Variants in NPAS3 observed in about 807,000 individuals in gnomAD.
NPAS3 encodes neuronal PAS domain-containing protein 3.
In NPAS3, 14 loss-of-function variants were observed where a neutral mutation model predicts 73.1. The ratio of observed to expected loss-of-function variants is 0.19; its 90% CI spans 0.13 to 0.30. NPAS3 has a LOEUF of 0.30. Among genes scored for constraint, NPAS3 ranks in the 10% least tolerant of loss-of-function variants. NPAS3 has a pLI of 1.00. For missense variants in NPAS3, 1,096 were observed against 1,250.0 expected, an observed-to-expected ratio of 0.88 and a Z score of 1.86; for synonymous variants, 620 against 541.5, an observed-to-expected ratio of 1.14 and a Z score of -2.01.
chr14:33,797,987 A>G (rs2063563792), intron 11 of NPAS3, among the ~76,000 whole-genome samples: 2 of 151,952 alleles, frequency 1.3e-5, no homozygotes, highest in South Asian at 2.1e-4. Flanking sequence ...CAATCACTTA[A>G]TGTCAATCCA....
intron 6 of NPAS3, among the ~76,000 whole-genome samples, chr14:33,717,086 T>C (rs1453055055): frequency 1.3e-5 from 2 of 152,010 alleles, no homozygotes; most frequent in Admixed American, 6.6e-5. Flanking sequence ...AGAGAGGGAA[T>C]GGGAGTTGAT....
At chr14:33,163,591 A>G (rs1317851246) in intron 2 of NPAS3, among the ~76,000 whole-genome samples, 1 of 149,342 alleles carries the variant, frequency 6.7e-6, no homozygotes, top group Admixed American at 6.7e-5. Context: ...GTAACATCAC[A>G]CTTAAGAATA....
In NPAS3 at chr14:33,137,309, A is replaced by G. The variant is rs112690592; in HGVS notation, c.141-77873A>G. 8.6e-3 allele frequency among the ~76,000 whole-genome samples: 1,305 copies of G among 152,270 alleles called. 20 individuals carry two copies. Among genetic ancestry groups the G allele is most frequent in the African/African-American group, 0.03 (1,234 of 41,568 alleles). ...AGGCATCTGAGATATTTAAGACTTA[A>G]ATGTGACTTTGATGTAGCCTCTGGC... is the stretch of plus-strand genomic sequence containing the variant. On this transcript the variant is annotated intron_variant, in intron 2 of 11. Coordinates refer to ENST00000356141, the Ensembl canonical transcript of NPAS3.
At chr14:33,518,592 A>AATTT (rs2053413554) in intron 4 of NPAS3, among the ~76,000 whole-genome samples, 1 of 128,828 alleles carries the variant, frequency 7.8e-6, no homozygotes, top group Non-Finnish European at 1.6e-5. Flanking sequence ...GACATCAAGG[A>AATTT]TTTTTTTTTT....
At position 33,668,403 on chromosome 14, in the gene NPAS3, A is replaced by C. The variant is rs188519756; in HGVS notation, c.559-7808A>C. Among the ~76,000 whole-genome samples the C allele has an allele frequency of 2.2e-4, 34 of 152,374 alleles. 1 individual carries two copies. In the East Asian group the frequency reaches 6.4e-3, roughly 28 times the overall value. Reference sequence around the variant, plus strand: ...TAAGCATATCTAAGGTTTTAGTCATATAAACCACATTATTTTACTGTGACC... The same window carrying C: ...TAAGCATATCTAAGGTTTTAGTCATCTAAACCACATTATTTTACTGTGACC... On this transcript the variant is annotated intron_variant, in intron 5 of 11. Coordinates refer to ENST00000356141, the Ensembl canonical transcript of NPAS3.
At chr14:33,411,155 A>G (rs1336382216) in intron 4 of NPAS3, among the ~76,000 whole-genome samples, 4 of 152,038 alleles carry the variant, frequency 2.6e-5, no homozygotes, top group Non-Finnish European at 5.9e-5. Context: ...CCTCCAGGAG[A>G]CATTTGGCAA....
chr14:33,151,796 GGAAA>G (rs1480626235), intron 2 of NPAS3, among the ~76,000 whole-genome samples: 3 of 151,928 alleles, frequency 2.0e-5, no homozygotes. Flanking sequence ...ACATTGTTCT[GGAAA>G]GAGACTATAT....
chr14:33,028,603 A>G (rs1183473237), intron 1 of NPAS3, among the ~76,000 whole-genome samples: 1 of 152,188 alleles, frequency 6.6e-6, no homozygotes. Context: ...TCCCATCTGA[A>G]CCTAGTATCT....
At chr14:33,202,696 A>AATATTCAT (rs2046665929) in intron 2 of NPAS3, among the ~76,000 whole-genome samples, 1 of 138,180 alleles carries the variant, frequency 7.2e-6, no homozygotes, top group Non-Finnish European at 1.5e-5. Context: ...ATTTTAAGCA[A>AATATTCAT]ATATTCATGT....
chr14:33,575,937 G>A (rs1305195992), intron 5 of NPAS3, among the ~76,000 whole-genome samples: 1 of 152,042 alleles, frequency 6.6e-6, no homozygotes, highest in Non-Finnish European at 1.5e-5. Context: ...GAGAGAGAGA[G>A]GAAGCTAAGA....
Position 33,559,348 on chromosome 14 carries a change from C to T in NPAS3, c.469-773C>T, listed in dbSNP as rs74815003. On this transcript the variant is annotated intron_variant, in intron 4 of 11. Coordinates refer to ENST00000356141, the Ensembl canonical transcript of NPAS3. ...CAATGGGCACTGGGAGTAAAGAAGG[C>T]ATAATTCCTTATTAATTAGCAAATT... Among the ~76,000 whole-genome samples, 1,088 of 152,276 alleles carry T rather than the reference C, an allele frequency of 7.1e-3. 16 individuals carry two copies. The highest frequency in any genetic ancestry group is 0.025 in the African/African-American group (1,035 of 41,548).
At chr14:33,286,044 T>G (rs1320583268) in intron 3 of NPAS3, among the ~76,000 whole-genome samples, 3 of 152,156 alleles carry the variant, frequency 2.0e-5, no homozygotes, top group African/African-American at 7.2e-5. Flanking sequence ...CCCAGGCTGA[T>G]GAAACACTTG....
intron 5 of NPAS3, among the ~76,000 whole-genome samples, chr14:33,623,943 C>T (rs2058152830): frequency 6.6e-6 from 1 of 152,198 alleles, no homozygotes; most frequent in Non-Finnish European, 1.5e-5. Context: ...ACTCCTGTTT[C>T]CTCTGCCTAG....
chr14:33,627,928 G>A (rs2058267498), intron 5 of NPAS3, among the ~76,000 whole-genome samples: 1 of 152,174 alleles, frequency 6.6e-6, no homozygotes, highest in South Asian at 2.1e-4. Flanking sequence ...TCTCTTATCA[G>A]CAGTGTATTT....
At chr14:33,140,382 C>T (rs563105106) in intron 2 of NPAS3, among the ~76,000 whole-genome samples, 24 of 152,172 alleles carry the variant, frequency 1.6e-4, no homozygotes, top group Middle Eastern at 3.4e-3. Context: ...AAAACAGTCA[C>T]TATTTTGAGC....
At chr14:33,395,617 T>C (rs1293807743) in intron 4 of NPAS3, among the ~76,000 whole-genome samples, 1 of 152,180 alleles carries the variant, frequency 6.6e-6, no homozygotes, top group South Asian at 2.1e-4. Context: ...AGATAATTCA[T>C]GTTTATATTT....
intron 1 of NPAS3, among the ~76,000 whole-genome samples, chr14:33,047,606 T>C (rs759520790): frequency 2.5e-4 from 38 of 152,350 alleles, no homozygotes; most frequent in Non-Finnish European, 4.3e-4. Flanking sequence ...AGACAGATCC[T>C]GAAGAATGTA....
At chr14:33,178,540 A>G (rs1274746998) in intron 2 of NPAS3, among the ~76,000 whole-genome samples, 5 of 152,174 alleles carry the variant, frequency 3.3e-5, no homozygotes, top group Non-Finnish European at 7.3e-5. Context: ...ATGTACAAGT[A>G]TGTACTTGGC....
chr14:32,970,336 A>G (rs573845621), intron 1 of NPAS3, among the ~76,000 whole-genome samples: 4 of 152,156 alleles, frequency 2.6e-5, no homozygotes, highest in Non-Finnish European at 5.9e-5. Flanking sequence ...AACTTGATTA[A>G]TTTTCCAACT....
Sources: allele counts gnomAD v4.1 joint callset (sites outside exome capture counted in the v4.1 genomes callset), GRCh38; gene constraint gnomAD v4.1.1; transcripts MANE v1.5; gene names NCBI Gene and HGNC (gene_info 2026-07-23, HGNC 2026-07-21).